SLC35F3: variants seen among roughly 807,000 people sequenced by gnomAD.
The protein encoded by SLC35F3 is putative thiamine transporter SLC35F3.
SLC35F3 carries 25 observed loss-of-function variants against 49.9 expected under a neutral mutation model. The ratio of observed to expected loss-of-function variants is 0.50; its 90% CI spans 0.37 to 0.70. SLC35F3 has a LOEUF of 0.70. Ranked by LOEUF, SLC35F3 falls within the 30% of genes least tolerant of loss-of-function variation. The pLI is 0.00. For missense variants in SLC35F3, 525 were observed against 639.8 expected, an observed-to-expected ratio of 0.82 and a Z score of 1.94; for synonymous variants, 275 against 265.4, an observed-to-expected ratio of 1.04 and a Z score of -0.35.
At chr1:234,313,613 G>GGGACA (rs1336530468) in intron 4 of SLC35F3, among the ~76,000 whole-genome samples, 5 of 152,140 alleles carry the variant, frequency 3.3e-5, no homozygotes, top group African/African-American at 1.2e-4. Flanking sequence ...AGGGCTGGGG[G>GGGACA]GGACAGGACA....
chr1:234,247,297 TG>T (rs1427590940), intron 3 of SLC35F3, among the ~76,000 whole-genome samples: 1 of 152,372 alleles, frequency 6.6e-6, no homozygotes. Flanking sequence ...GTCATTTGAT[TG>T]TTGGGTTGGT....
intron 2 of SLC35F3, among the ~76,000 whole-genome samples, chr1:234,135,530 C>T (rs1449510143): frequency 1.3e-5 from 2 of 152,154 alleles, no homozygotes; most frequent in Non-Finnish European, 1.5e-5. Context: ...TGGTCATACT[C>T]AGGGCTCAGA....
At chr1:234,321,037 G>T (rs1259824226) in intron 7 of SLC35F3, among the ~76,000 whole-genome samples, 3 of 131,834 alleles carry the variant, frequency 2.3e-5, no homozygotes, top group African/African-American at 5.2e-5. Context: ...TTAAAAGATT[G>T]CCCCCCCCCC....
intron 3 of SLC35F3, among the ~76,000 whole-genome samples, chr1:234,257,840 A>G (rs531295776): frequency 1.3e-5 from 2 of 152,216 alleles, no homozygotes; most frequent in Non-Finnish European, 2.9e-5. Context: ...TAAGCCAGGA[A>G]GGGGAGATTT....
At chr1:234,117,147 T>G (rs1665499016) in intron 2 of SLC35F3, among the ~76,000 whole-genome samples, 1 of 152,176 alleles carries the variant, frequency 6.6e-6, no homozygotes, top group Admixed American at 6.5e-5. Context: ...CTGTAGAATT[T>G]CTGGTGCTTC....
At chr1:234,154,683 T>C (rs1666125894) in intron 2 of SLC35F3, among the ~76,000 whole-genome samples, 1 of 152,232 alleles carries the variant, frequency 6.6e-6, no homozygotes, top group Non-Finnish European at 1.5e-5. Context: ...CAAATACGTG[T>C]CAGAATTCCT....
rs2102941592 is a variant in SLC35F3 at position 234,214,418 on chromosome 1, C to A, written c.284-16999C>A. 7.1e-7 allele frequency: 1 copy of A among 1,417,078 alleles called. No individual in the cohort carries two copies. The highest frequency in any genetic ancestry group is 3.0e-5 in the East Asian group (1 of 32,846). The allele number at this position is 1,417,078 out of a possible 1,614,324, so 87.8% of individuals were successfully genotyped here. ...CGGCGGCAGAGGGCCGCGTCGGCCA[C>A]GGGCCCGGGAGAGACGCGCTCCAGC... On this transcript the variant is annotated intron_variant, in intron 2 of 7. Transcript: ENST00000366618. This position sits in a 1 kb window ranked among gnomAD's most constrained non-coding sequence, Gnocchi z 8.0.
chr1:233,967,272 A>G (rs1169978551), intron 2 of SLC35F3, among the ~76,000 whole-genome samples: 1 of 151,390 alleles, frequency 6.6e-6, no homozygotes, highest in Non-Finnish European at 1.5e-5. Flanking sequence ...CATGTGTTTG[A>G]AGTTTTCTTT....
intron 2 of SLC35F3, among the ~76,000 whole-genome samples, chr1:234,228,182 G>A (rs888488242): frequency 6.6e-6 from 1 of 152,172 alleles, no homozygotes; most frequent in Admixed American, 6.5e-5. Context: ...AGATGGCAGT[G>A]CATTTCAGAT....
chr1:234,017,653 G>C (rs1256795828), intron 2 of SLC35F3, among the ~76,000 whole-genome samples: 1 of 146,746 alleles, frequency 6.8e-6, no homozygotes, highest in Non-Finnish European at 1.5e-5. Flanking sequence ...GGCGGAGCTT[G>C]CAGTGAGCCG....
At chr1:233,927,607 A>G (rs1662180443) in intron 2 of SLC35F3, among the ~76,000 whole-genome samples, 1 of 152,112 alleles carries the variant, frequency 6.6e-6, no homozygotes, top group South Asian at 2.1e-4. Context: ...TTGAAGTACT[A>G]ATAAAAACTG....
intron 2 of SLC35F3, among the ~76,000 whole-genome samples, chr1:234,226,961 G>GCACACACACACA (rs57809897): frequency 0.016 from 2,444 of 148,720 alleles, 59 homozygotes; most frequent in African/African-American, 0.054. Flanking sequence ...GCGCACGCGT[G>GCACACACACACA]CACACACACA....
At chr1:234,262,387 A>C (rs16842835) in intron 3 of SLC35F3, among the ~76,000 whole-genome samples, 6,273 of 152,252 alleles carry the variant, frequency 0.041, 469 homozygotes, top group African/African-American at 0.14. Context: ...ATATGACTAT[A>C]AGAAATACTT....
At position 234,323,005 on chromosome 1, in the gene SLC35F3, C is replaced by T. The variant is rs746172272; in HGVS notation, c.1238-3C>T. On this transcript the variant is annotated splice_region_variant and splice_polypyrimidine_tract_variant and intron_variant, in intron 7 of 7. Coordinates refer to ENST00000366618, the MANE Select transcript of SLC35F3 (RefSeq NM_173508.4). The surrounding 1 kb of genome is among the most constrained non-coding windows in gnomAD (Gnocchi z 4.5). ...AGAAACCTCCATGCTCTGTCTCCCA[C>T]AGTGATTGATCACTACACCAGTCAG... The T allele has an allele frequency of 1.9e-5, 30 of 1,612,494 alleles. No homozygotes were observed. The highest frequency in any genetic ancestry group is 2.5e-5 in the Non-Finnish European group (30 of 1,179,068).
intron 2 of SLC35F3, among the ~76,000 whole-genome samples, chr1:233,987,450 C>G (rs1338638417): frequency 6.7e-6 from 1 of 150,056 alleles, no homozygotes; most frequent in Non-Finnish European, 1.5e-5. Flanking sequence ...CTTCTCCATT[C>G]TATTCTAGGT....
chr1:234,191,506 A>C (rs1390079265), intron 2 of SLC35F3, among the ~76,000 whole-genome samples: 1 of 152,178 alleles, frequency 6.6e-6, no homozygotes, highest in African/African-American at 2.4e-5. Context: ...GAAAAAGCAC[A>C]AATAGGCAAT....
chr1:233,992,183 C>T (rs1463093947), intron 2 of SLC35F3, among the ~76,000 whole-genome samples: 1 of 152,148 alleles, frequency 6.6e-6, no homozygotes, highest in Non-Finnish European at 1.5e-5. Flanking sequence ...GGGACACCCC[C>T]TCTGTTCATT....
intron 2 of SLC35F3, chr1:234,213,166 A>G (rs1414410672): frequency 1.3e-5 from 2 of 152,198 alleles, no homozygotes; most frequent in Non-Finnish European, 2.9e-5. Flanking sequence ...AGGAAACCCT[A>G]TTGCTTGAGT....
At chr1:234,015,043 C>G (rs1483439882) in intron 2 of SLC35F3, among the ~76,000 whole-genome samples, 3 of 152,036 alleles carry the variant, frequency 2.0e-5, no homozygotes, top group Non-Finnish European at 4.4e-5. Context: ...AAGAACAAAG[C>G]TTGAATGGCC....
Sources: gnomAD v4.1 joint callset for allele counts (sites outside exome capture counted in the v4.1 genomes callset) on GRCh38, gnomAD v4.1.1 for gene constraint, Gnocchi (gnomAD v3.1) non-coding constraint, MANE v1.5 for transcripts, NCBI Gene and HGNC (gene_info 2026-07-23, HGNC 2026-07-21) for gene names.